Variants in BTAF1 observed in about 807,000 individuals in gnomAD.
BTAF1 encodes B-TFIID TATA-box binding protein associated factor 1.
In BTAF1, 38 loss-of-function variants were observed where a neutral mutation model predicts 227.1. The observed-to-expected ratio is 0.17, with a 90% CI of 0.13 to 0.22. The LOEUF (loss-of-function observed/expected upper bound fraction) is 0.22. BTAF1 is among the 10% of genes least tolerant of loss of function. BTAF1 has a pLI of 1.00. For synonymous variants in BTAF1, 742 were observed against 751.9 expected (o/e 0.99, Z 0.21); for missense variants, 1,598 against 2,204.0 (o/e 0.73, Z 5.51).
chr10:92,008,950 G>A lies in BTAF1; in HGVS notation c.3935G>A (p.Arg1312Lys). The A allele has an allele frequency of 6.2e-7, 1 of 1,612,832 alleles. No individual in the cohort carries two copies. The highest frequency in any genetic ancestry group is 8.5e-7 in the Non-Finnish European group (1 of 1,179,610). The change falls in exon 27 of 38, where the codon AGG becomes AAG. Residue 1312 changes from arginine (R) to lysine (K), a missense_variant and splice_region_variant. Arg to Lys is a conservative substitution (Grantham distance 26, BLOSUM62 2). Coordinates refer to ENST00000265990, the MANE Select transcript of BTAF1 (RefSeq NM_003972.3). ...ATTCTAGCAGGAGATCATTGTCATAGGTAATTTAAGATGTTATTTTAAAAT... is the reference window on the plus strand; with the variant it reads ...ATTCTAGCAGGAGATCATTGTCATAAGTAATTTAAGATGTTATTTTAAAAT... ...ICILAGDHCH[R>K]AQEYARSKLA...
chr10:91,942,986 G>A (rs1845113802), intron 4 of BTAF1, among the ~76,000 whole-genome samples: 1 of 152,058 alleles, frequency 6.6e-6, no homozygotes, highest in Non-Finnish European at 1.5e-5. Flanking sequence ...ATATTATTGG[G>A]TTTACTCATG....
At chr10:91,944,624 A>G (rs1181242831) in intron 4 of BTAF1, among the ~76,000 whole-genome samples, 2 of 152,220 alleles carry the variant, frequency 1.3e-5, no homozygotes, top group African/African-American at 2.4e-5. Context: ...TTTTTAGTAT[A>G]CTCACAGGTA....
intron 1 of BTAF1, among the ~76,000 whole-genome samples, chr10:91,935,374 C>A (rs1844539252): frequency 6.6e-6 from 1 of 152,122 alleles, no homozygotes; most frequent in African/African-American, 2.4e-5. Flanking sequence ...GGTTAACCAG[C>A]CTCCCCCATC....
chr10:91,974,801 G>A (rs892852047), intron 14 of BTAF1, among the ~76,000 whole-genome samples: 11 of 152,232 alleles, frequency 7.2e-5, no homozygotes, highest in African/African-American at 2.6e-4. Flanking sequence ...GCAATGAGCC[G>A]AGAGATTGCA....
rs1215121387 is a variant in BTAF1, at chr10:92,008,866, A to G, written c.3851A>G (p.Lys1284Arg). Residue 1284 changes from lysine (K) to arginine (R), a missense_variant, in exon 27 of 38, where the codon AAA becomes AGA. Coordinates refer to ENST00000265990, the MANE Select transcript of BTAF1 (RefSeq NM_003972.3). ...TGGTTAGCATTTCTTAATAAGTATA[A>G]ACTTCATGGAATTCTGTGTGATGAC... is the stretch of plus-strand genomic sequence containing the variant. Reference protein sequence around the residue: ...VNWLAFLNKYKLHGILCDDMG... With the variant: ...VNWLAFLNKYRLHGILCDDMG... 1 of 1,612,980 alleles carries G rather than the reference A, an allele frequency of 6.2e-7. No individual in the cohort carries two copies. Among genetic ancestry groups the G allele is most frequent in the African/African-American group, 1.3e-5 (1 of 74,990 alleles).
chr10:91,969,296 G>A (rs1012414929), intron 14 of BTAF1, among the ~76,000 whole-genome samples: 49 of 151,762 alleles, frequency 3.2e-4, no homozygotes, highest in African/African-American at 1.1e-3. Context: ...AAGGTATTCT[G>A]TATAAATGAA....
Position 92,031,263 on chromosome 10 carries a change from CAT to C in BTAF1, c.*2337_*2338del, listed in dbSNP as rs1851878987. Among the ~76,000 whole-genome samples, 1 of 152,126 alleles carries C rather than the reference CAT, an allele frequency of 6.6e-6. No homozygotes were observed. Among genetic ancestry groups the C allele is most frequent in the Non-Finnish European group, 1.5e-5 (1 of 68,022 alleles). ...ATAATTTTTGTTTCATATATTCACTCATATATATGCTTATTGTATATGCTTAT... is the reference window on the plus strand; with the variant it reads ...ATAATTTTTGTTTCATATATTCACTCATATATGCTTATTGTATATGCTTAT... On this transcript the variant is annotated 3_prime_UTR_variant, in exon 38 of 38. Transcript: ENST00000265990.
At chr10:91,991,516 C>T (rs1848753400) in intron 20 of BTAF1, among the ~76,000 whole-genome samples, 1 of 150,528 alleles carries the variant, frequency 6.6e-6, no homozygotes. Context: ...TTTGGGAGGC[C>T]GAGGCGGGCA....
intron 33 of BTAF1, among the ~76,000 whole-genome samples, chr10:92,017,665 A>G (rs1471755271): frequency 6.6e-6 from 1 of 151,906 alleles, no homozygotes; most frequent in Non-Finnish European, 1.5e-5. Flanking sequence ...GCACACCACC[A>G]CACCTGGCTA....
chr10:91,991,103 G>A (rs1346394821), intron 20 of BTAF1, among the ~76,000 whole-genome samples: 7 of 150,710 alleles, frequency 4.6e-5, no homozygotes, highest in African/African-American at 1.2e-4. Flanking sequence ...AAAATCAGCC[G>A]GGCATGGTGG....
chr10:91,950,154 G>GGC (rs201797975), intron 4 of BTAF1, among the ~76,000 whole-genome samples: 6 of 90,340 alleles, frequency 6.6e-5, no homozygotes, highest in East Asian at 9.7e-4. Context: ...TTTGTGGGGG[G>GGC]GGGCGGGAAA....
Position 91,981,240 on chromosome 10 carries a change from T to C in BTAF1, c.1756-403T>C, listed in dbSNP as rs1428831054. On this transcript the variant is annotated intron_variant, in intron 15 of 37. Coordinates refer to ENST00000265990, the MANE Select transcript of BTAF1 (RefSeq NM_003972.3). ...ATACTGTTTTAAATTTATACTAGGT[T>C]ATTACCACCTTTGAGTTTAGCAGAG... Among the ~76,000 whole-genome samples the C allele has an allele frequency of 2.0e-5, 3 of 152,148 alleles. No individual in the cohort carries two copies. In the East Asian group the frequency reaches 5.8e-4, roughly 29 times the overall value.
chr10:91,928,730 C>T (rs1406154737), intron 1 of BTAF1, among the ~76,000 whole-genome samples: 1 of 151,264 alleles, frequency 6.6e-6, no homozygotes, highest in Non-Finnish European at 1.5e-5. Flanking sequence ...CAGCACTGCA[C>T]TCCAGCCTGG....
chr10:91,950,530 A>C (rs1845701970), intron 4 of BTAF1, among the ~76,000 whole-genome samples: 1 of 152,096 alleles, frequency 6.6e-6, no homozygotes, highest in South Asian at 2.1e-4. Flanking sequence ...TAGCTGTTTT[A>C]AGGGCAAATT....
chr10:92,002,847 G>C (rs1849639512), intron 25 of BTAF1, among the ~76,000 whole-genome samples: 2 of 151,926 alleles, frequency 1.3e-5, no homozygotes, highest in Admixed American at 1.3e-4. Context: ...TACTTTTTTA[G>C]TCTTTCATTT....
chr10:92,026,682 A>G lies in BTAF1; in HGVS notation c.5166A>G (p.Val1722=). The G allele has an allele frequency of 6.2e-7, 1 of 1,613,990 alleles. No homozygotes were observed. The highest frequency in any genetic ancestry group is 8.5e-7 in the Non-Finnish European group (1 of 1,179,984). The change falls in exon 36 of 38, where the codon GTA becomes GTG. Residue 1722 remains valine, a synonymous_variant. Coordinates refer to ENST00000265990, the MANE Select transcript of BTAF1 (RefSeq NM_003972.3). ...GLNLTGADTV[V]FVEHDWNPMR... is the part of the protein sequence containing the mutation. ...ATTTGACAGGCGCTGACACAGTAGT[A>G]TTTGTGGAGCATGACTGGAATCCTA... is the stretch of plus-strand genomic sequence containing the variant.
Position 91,937,250 on chromosome 10 carries a change from C to T in BTAF1, c.138+1470C>T, listed in dbSNP as rs146535860. 9.0e-4 allele frequency among the ~76,000 whole-genome samples: 137 copies of T among 152,234 alleles called. 1 individual carries two copies. Among genetic ancestry groups the T allele is most frequent in the African/African-American group, 3.2e-3 (131 of 41,530 alleles). ...CCTCGTGATCCTCCCACCTTGGCCT[C>T]CCAAAGTGCTGGGATTGCAGGCGTG... On this transcript the variant is annotated intron_variant, in intron 2 of 37. Transcript: ENST00000265990.
rs542824951 is a variant in BTAF1 at position 91,959,355 on chromosome 10, A to G, written c.990+201A>G. ...GCTAGTTGAGAGGTCAGTGAGCAAC[A>G]TAATTGGTATTGCCTGGAGACACTG... On this transcript the variant is annotated intron_variant, in intron 9 of 37. Transcript: ENST00000265990. 9.9e-5 allele frequency: 115 copies of G among 1,155,840 alleles called. No homozygotes were observed. The African/African-American group carries it at 1.5e-3, about 16-fold the overall frequency. The allele number at this position is 1,155,840 out of a possible 1,614,324, so 71.6% of individuals were successfully genotyped here.
intron 25 of BTAF1, among the ~76,000 whole-genome samples, chr10:92,005,923 G>A (rs555101653): frequency 2.0e-5 from 3 of 151,690 alleles, no homozygotes; most frequent in African/African-American, 7.2e-5. Context: ...CCAGGCTGGA[G>A]GACAGCAGCA....
Sources: gnomAD v4.1 joint callset for allele counts (sites outside exome capture counted in the v4.1 genomes callset) on GRCh38, gnomAD v4.1.1 for gene constraint, MANE v1.5 for transcripts, NCBI Gene and HGNC (gene_info 2026-07-23, HGNC 2026-07-21) for gene names.